Variants in LRRC36 observed in about 807,000 individuals in gnomAD.
LRRC36 encodes the protein leucine-rich repeat-containing protein 36.
Under a neutral mutation model 81.1 loss-of-function variants are expected in LRRC36, and 62 were observed. That is an observed-to-expected ratio of 0.76 (90% CI 0.62 to 0.94). The LOEUF (loss-of-function observed/expected upper bound fraction) is 0.94, where lower values mean the gene tolerates loss of function less well. LRRC36 is among the 40% of genes least tolerant of loss of function. LRRC36 has a pLI of 0.00. For missense variants in LRRC36, 761 were observed against 881.7 expected, an observed-to-expected ratio of 0.86 and a Z score of 1.73; for synonymous variants, 334 against 348.6, an observed-to-expected ratio of 0.96 and a Z score of 0.47.
chr16:67,340,468 A>G (rs549317610), intron 1 of LRRC36, among the ~76,000 whole-genome samples: 2 of 152,188 alleles, frequency 1.3e-5, no homozygotes, highest in South Asian at 4.1e-4. Flanking sequence ...GTTCAAGAGC[A>G]GCTTGGCAAA....
At chr16:67,346,596 A>T (rs2038359509) in intron 3 of LRRC36, 148 bp downstream of exon 3, 1 of 430,742 alleles carries the variant, frequency 2.3e-6, no homozygotes. Context: ...TGTTGGCAGG[A>T]TGTATGACGA....
chr16:67,347,438 C>T (rs1411378130), intron 3 of LRRC36, 57 bp from the exon 4 acceptor site: 2 of 1,604,662 alleles, frequency 1.2e-6, no homozygotes, highest in African/African-American at 2.7e-5. Flanking sequence ...TGATTAACTA[C>T]TAGTTATGTC....
chr16:67,356,121 T>G (rs899261050), intron 5 of LRRC36, among the ~76,000 whole-genome samples: 9 of 152,254 alleles, frequency 5.9e-5, no homozygotes, highest in African/African-American at 1.9e-4. Context: ...TCACTCTTTT[T>G]GCCAGTTCTA....
At chr16:67,381,170 G>A (rs1174930320) in intron 12 of LRRC36, among the ~76,000 whole-genome samples, 3 of 148,044 alleles carry the variant, frequency 2.0e-5, no homozygotes, top group Non-Finnish European at 4.4e-5. Context: ...GTTGCAGTGA[G>A]CTGAGATCCC....
chr16:67,378,742 G>T (rs1456359519), intron 12 of LRRC36, 30 bp downstream of exon 12: 1 of 1,609,406 alleles, frequency 6.2e-7, no homozygotes, highest in Non-Finnish European at 8.5e-7. Context: ...GATATATGAG[G>T]CCTCTCAAGA....
At chr16:67,380,415 T>A (rs1382206259) in intron 12 of LRRC36, among the ~76,000 whole-genome samples, 1 of 152,198 alleles carries the variant, frequency 6.6e-6, no homozygotes, top group Non-Finnish European at 1.5e-5. Flanking sequence ...ATAATATCCT[T>A]TTTAAATCTT....
chr16:67,368,853 T>C (rs1464990390), intron 8 of LRRC36, among the ~76,000 whole-genome samples: 1 of 152,168 alleles, frequency 6.6e-6, no homozygotes. Flanking sequence ...TGACACTCCA[T>C]GGTTTGCTGA....
chr16:67,350,106 T>C (rs2038549228), intron 4 of LRRC36, 96 bp from the exon 5 acceptor site: 2 of 809,036 alleles, frequency 2.5e-6, no homozygotes, highest in Admixed American at 2.5e-5. Flanking sequence ...GAGAAAAATC[T>C]GATCACCATA....
chr16:67,328,899 T>G (rs550437654), intron 1 of LRRC36, among the ~76,000 whole-genome samples: 1 of 151,666 alleles, frequency 6.6e-6, no homozygotes, highest in South Asian at 2.1e-4. Context: ...TCAGTAGTAT[T>G]TTATTTATTT....
chr16:67,339,529 A>C (rs2037928799), intron 1 of LRRC36, among the ~76,000 whole-genome samples: 1 of 152,206 alleles, frequency 6.6e-6, no homozygotes, highest in Admixed American at 6.5e-5. Flanking sequence ...ATAACCTCAT[A>C]TAAGATTTGA....
chr16:67,378,235 CTTTTTTTTTTTTTTTT>C (rs1015471341), intron 11 of LRRC36, among the ~76,000 whole-genome samples: 1 of 100,522 alleles, frequency 9.9e-6, no homozygotes, highest in Non-Finnish European at 1.9e-5. Flanking sequence ...ATGTCAGATT[CTTTTTTTTTTTTTTTT>C]TTTTTTGAGA....
intron 8 of LRRC36, among the ~76,000 whole-genome samples, chr16:67,370,225 CCT>C (rs962257918): frequency 4.6e-5 from 7 of 152,084 alleles, no homozygotes; most frequent in African/African-American, 1.7e-4. Context: ...TCTTTGATTG[CCT>C]CTCAGGGAAA....
chr16:67,354,094 G>A (rs1037793391), intron 5 of LRRC36, among the ~76,000 whole-genome samples: 3 of 152,076 alleles, frequency 2.0e-5, no homozygotes, highest in Non-Finnish European at 2.9e-5. Context: ...TAAGCTGAAA[G>A]CTTATCTCCT....
At chr16:67,347,177 A>T (rs956887851) in intron 3 of LRRC36, among the ~76,000 whole-genome samples, 2 of 152,182 alleles carry the variant, frequency 1.3e-5, no homozygotes, top group Admixed American at 1.3e-4. Flanking sequence ...AATTGTAGGG[A>T]AACTAAGTAA....
intron 1 of LRRC36, among the ~76,000 whole-genome samples, chr16:67,340,199 CAACTT>C (rs1159419426): frequency 6.6e-6 from 1 of 152,118 alleles, no homozygotes; most frequent in Non-Finnish European, 1.5e-5. Flanking sequence ...ACTGCTCTAG[CAACTT>C]AAGATCTTAT....
intron 8 of LRRC36, among the ~76,000 whole-genome samples, chr16:67,370,674 A>T (rs1269728096): frequency 6.6e-6 from 1 of 151,672 alleles, no homozygotes; most frequent in Non-Finnish European, 1.5e-5. Flanking sequence ...GGGCACCACT[A>T]AGGGCGCAGT....
chr16:67,384,882 A>G lies in LRRC36; in HGVS notation c.2058A>G (p.Val686=), dbSNP rs1351031421. The change falls in exon 14 of 14, where the codon GTA becomes GTG. Residue 686 remains valine (V), a synonymous_variant. Transcript: ENST00000329956. The part of the protein sequence containing the change: ...ILHESQRSLV[V]TNEYLLQQLN... ...CCTTGGGCCTCAGATCCCTGGTGGT[A>G]ACTAATGAGTATCTGCTGCAGCAGC... is the stretch of plus-strand genomic sequence containing the variant. The G allele has an allele frequency of 6.2e-7, 1 of 1,614,074 alleles. No homozygotes were observed. Among genetic ancestry groups the G allele is most frequent in the African/African-American group, 1.3e-5 (1 of 75,042 alleles).
At chr16:67,333,311 T>C (rs377328798) in intron 1 of LRRC36, among the ~76,000 whole-genome samples, 4 of 152,086 alleles carry the variant, frequency 2.6e-5, no homozygotes, top group Admixed American at 6.6e-5. Context: ...TTTGTGTTTT[T>C]AGTAGAGACA....
At chr16:67,369,075 C>T (rs6499126) in intron 8 of LRRC36, among the ~76,000 whole-genome samples, 1 of 152,022 alleles carries the variant, frequency 6.6e-6, no homozygotes, top group African/African-American at 2.4e-5. Flanking sequence ...GGTAATTGGA[C>T]ATACTAGTCC....
Sources: allele counts gnomAD v4.1 joint callset (sites outside exome capture counted in the v4.1 genomes callset), GRCh38; gene constraint gnomAD v4.1.1; transcripts MANE v1.5; gene names NCBI Gene and HGNC (gene_info 2026-07-23, HGNC 2026-07-21).